Variants in PCSK5 observed in about 807,000 individuals in gnomAD.
PCSK5 encodes prohormone convertase 5.
In PCSK5, 129 loss-of-function variants were observed where a neutral mutation model predicts 233.2. The observed-to-expected ratio is 0.55, with a 90% CI of 0.48 to 0.64. The LOEUF (loss-of-function observed/expected upper bound fraction) is 0.64. PCSK5 is among the 30% of genes least tolerant of loss of function. The pLI, the probability that PCSK5 is intolerant of heterozygous loss-of-function variation, is 0.00. For missense variants in PCSK5, 2,076 were observed against 2,430.1 expected, an observed-to-expected ratio of 0.85 and a Z score of 3.06; for synonymous variants, 825 against 879.2, an observed-to-expected ratio of 0.94 and a Z score of 1.09.
chr9:76,020,958 A>C (rs1828160786), intron 3 of PCSK5, among the ~76,000 whole-genome samples: 1 of 152,204 alleles, frequency 6.6e-6, no homozygotes, highest in Admixed American at 6.5e-5. Flanking sequence ...TTTGTGTTAA[A>C]TTAAAATATG....
At chr9:76,297,472 T>A (rs1416395766) in intron 27 of PCSK5, among the ~76,000 whole-genome samples, 1 of 152,078 alleles carries the variant, frequency 6.6e-6, no homozygotes, top group Non-Finnish European at 1.5e-5. Flanking sequence ...GGGACAGGTG[T>A]GGGAGCTTGG....
At chr9:76,233,694 G>C in intron 22 of PCSK5, 98 bp downstream of exon 22, 1 of 1,096,378 alleles carries the variant, frequency 9.1e-7, no homozygotes, top group East Asian at 2.4e-5. Context: ...GTCTGGGGCT[G>C]AGGGTTAAGA....
intron 20 of PCSK5, among the ~76,000 whole-genome samples, chr9:76,204,851 G>A (rs1379765922): frequency 6.6e-6 from 1 of 152,150 alleles, no homozygotes; most frequent in African/African-American, 2.4e-5. Context: ...ACTCCTACTT[G>A]GGGGCAGGGA....
At chr9:76,074,861 T>C (rs1830590487) in intron 7 of PCSK5, among the ~76,000 whole-genome samples, 1 of 152,210 alleles carries the variant, frequency 6.6e-6, no homozygotes, top group Non-Finnish European at 1.5e-5. Context: ...TTCTCTCCTA[T>C]ACCATTTCCA....
rs747159153 is a variant in PCSK5, at chr9:76,314,883, G to A, written c.3884+4032G>A. Among the ~76,000 whole-genome samples the A allele has an allele frequency of 3.3e-5, 5 of 150,182 alleles. No individual in the cohort carries two copies. In the South Asian group the frequency reaches 8.5e-4, roughly 25 times the overall value. On this transcript the variant is annotated intron_variant, in intron 30 of 37. Transcript: ENST00000674117. ...CTCGGAACTCCTGACCTCGTGATCC[G>A]ACCACCGTGGCCTCCCAAAGTGCTG...
At chr9:76,325,125 G>C (rs1829322566) in intron 32 of PCSK5, among the ~76,000 whole-genome samples, 1 of 152,100 alleles carries the variant, frequency 6.6e-6, no homozygotes, top group African/African-American at 2.4e-5. Context: ...GGATGTCAAG[G>C]CTGTGTCCGC....
chr9:76,175,887 A>G (rs1038490752), intron 14 of PCSK5, among the ~76,000 whole-genome samples: 1 of 152,146 alleles, frequency 6.6e-6, no homozygotes, highest in African/African-American at 2.4e-5. Context: ...CCATTTTTCT[A>G]TTCGAAGTAC....
chr9:76,142,021 A>T (rs958906681), intron 10 of PCSK5, among the ~76,000 whole-genome samples: 1 of 152,076 alleles, frequency 6.6e-6, no homozygotes, highest in Non-Finnish European at 1.5e-5. Flanking sequence ...AAAAATAACT[A>T]TTGGATACTG....
chr9:76,344,493 G>A (rs2842494), intron 35 of PCSK5, among the ~76,000 whole-genome samples: 106,420 of 152,090 alleles, frequency 0.7, 38,566 homozygotes, highest in South Asian at 0.81. Flanking sequence ...ATCTGTTATC[G>A]CTTTTTCATT....
chr9:76,051,871 C>A (rs1829642228), intron 5 of PCSK5, among the ~76,000 whole-genome samples: 1 of 152,132 alleles, frequency 6.6e-6, no homozygotes, highest in Non-Finnish European at 1.5e-5. Context: ...ATCTAAGTCT[C>A]AGAAGACTAA....
intron 3 of PCSK5, among the ~76,000 whole-genome samples, chr9:75,997,747 A>G (rs1216170821): frequency 1.3e-5 from 2 of 152,196 alleles, no homozygotes; most frequent in Non-Finnish European, 2.9e-5. Context: ...TGTTTCCATG[A>G]TTAAAAAGAG....
chr9:76,348,951 G>A (rs986096374), intron 35 of PCSK5, among the ~76,000 whole-genome samples: 4 of 152,034 alleles, frequency 2.6e-5, no homozygotes, highest in Admixed American at 6.6e-5. Context: ...AAAAATTGAA[G>A]TAAGACATCT....
chr9:76,288,675 G>A (rs897268382), intron 24 of PCSK5, among the ~76,000 whole-genome samples: 12 of 152,212 alleles, frequency 7.9e-5, no homozygotes, highest in African/African-American at 2.6e-4. Context: ...GACTTGTGCC[G>A]ACATTTTATT....
chr9:76,061,764 T>C (rs921019489), intron 5 of PCSK5, among the ~76,000 whole-genome samples: 8 of 152,158 alleles, frequency 5.3e-5, no homozygotes, highest in Non-Finnish European at 1.2e-4. Context: ...AAAAGACAAA[T>C]ATTTAAGGTA....
chr9:75,998,794 A>G (rs1827135090), intron 3 of PCSK5, among the ~76,000 whole-genome samples: 1 of 152,142 alleles, frequency 6.6e-6, no homozygotes, highest in South Asian at 2.1e-4. Context: ...TCTTTCATTT[A>G]TTGCCCCCTT....
At chr9:76,168,979 GCTT>G (rs1464238823) in intron 12 of PCSK5, among the ~76,000 whole-genome samples, 1 of 151,994 alleles carries the variant, frequency 6.6e-6, no homozygotes, top group Non-Finnish European at 1.5e-5. Context: ...TTTGTATCTG[GCTT>G]CTTTCACTTA....
intron 1 of PCSK5, among the ~76,000 whole-genome samples, chr9:75,929,064 T>C (rs193193943): frequency 6.6e-6 from 1 of 152,118 alleles, no homozygotes; most frequent in Admixed American, 6.5e-5. Flanking sequence ...GCCTCCCGAG[T>C]AGCTGGGACT....
chr9:76,107,196 T>C (rs1832013043), intron 8 of PCSK5, 55 bp from the exon 9 acceptor site: 8 of 1,036,140 alleles, frequency 7.7e-6, no homozygotes, highest in Non-Finnish European at 1.2e-5. Flanking sequence ...TTCTTTCTAC[T>C]TGCAGGTGAC....
chr9:75,896,302 A>G (rs1825802240), intron 1 of PCSK5, among the ~76,000 whole-genome samples: 1 of 152,180 alleles, frequency 6.6e-6, no homozygotes, highest in African/African-American at 2.4e-5. Flanking sequence ...TTCGGGGTCT[A>G]TTTGAAGTGA....
Sources: allele counts gnomAD v4.1 joint callset (sites outside exome capture counted in the v4.1 genomes callset), GRCh38; gene constraint gnomAD v4.1.1; transcripts MANE v1.5; gene names NCBI Gene and HGNC (gene_info 2026-07-23, HGNC 2026-07-21).